PATJ: variants seen among roughly 807,000 people sequenced by gnomAD.
The protein encoded by PATJ is inaD-like protein.
A neutral mutation model predicts 224.9 loss-of-function variants in PATJ; 190 were observed. The ratio of observed to expected loss-of-function variants is 0.84; its 90% CI spans 0.75 to 0.95. The LOEUF is 0.95. Ranked by LOEUF, PATJ falls within the 40% of genes least tolerant of loss-of-function variation. The probability of loss-of-function intolerance (pLI) is 0.00; values close to 1 mark genes in which losing one functional copy is unlikely to be tolerated. For missense variants in PATJ, 2,121 were observed against 2,270.3 expected (o/e 0.93, Z 1.34); for synonymous variants, 769 against 820.3 (o/e 0.94, Z 1.07).
chr1:61,753,451 T>C (rs1396488661), intron 1 of PATJ, among the ~76,000 whole-genome samples: 1 of 152,100 alleles, frequency 6.6e-6, no homozygotes, highest in Non-Finnish European at 1.5e-5. Flanking sequence ...TCTTGTGAAG[T>C]ACTGGGAGCT....
chr1:62,113,936 G>C, intron 34 of PATJ, 117 bp from the exon 35 acceptor site: 2 of 1,011,060 alleles, frequency 2.0e-6, no homozygotes, highest in Non-Finnish European at 2.9e-6. Context: ...TGTTTGCCTT[G>C]AGATTGGCTG....
Position 61,856,048 on chromosome 1 carries a change from A to G in PATJ, c.2131A>G (p.Arg711Gly). 6.2e-7 allele frequency: 1 copy of G among 1,614,062 alleles called. No individual in the cohort carries two copies. The highest frequency in any genetic ancestry group is 2.2e-5 in the East Asian group (1 of 44,874). The change falls in exon 18 of 44, where the codon AGA becomes GGA. Residue 711 changes from arginine to glycine, a missense_variant. Transcript: ENST00000642238. ...LDYQDPLDPT[R>G]SVIVIRSLVA... The stretch of plus-strand genomic sequence containing the variant: ...TTCACAGGACCCTTTAGATCCTACA[A>G]GATCAGTGATTGTGATCCGCTCCCT...
At position 62,096,388 on chromosome 1, in the gene PATJ, C is replaced by T. The variant is rs1013555664; in HGVS notation, c.4377+11740C>T. Among the ~76,000 whole-genome samples the T allele has an allele frequency of 3.3e-5, 5 of 151,992 alleles. 1 individual carries two copies. Among genetic ancestry groups the T allele is most frequent in the Admixed American group, 3.3e-4 (5 of 15,254 alleles). On this transcript the variant is annotated intron_variant, in intron 33 of 43. Coordinates refer to ENST00000642238, the MANE Select transcript of PATJ (RefSeq NM_001350145.3). ...CATGATCAGTGAGGATTGTACTTGA[C>T]CAAGAAAAATCAAAATGTCTGGGAA... is the stretch of plus-strand genomic sequence containing the variant.
At chr1:61,840,400 C>G (rs1004180650) in intron 17 of PATJ, among the ~76,000 whole-genome samples, 1 of 151,808 alleles carries the variant, frequency 6.6e-6, no homozygotes, top group Admixed American at 6.6e-5. Flanking sequence ...GACCATAATC[C>G]CTTACTTCTT....
chr1:61,904,528 A>G lies in PATJ; in HGVS notation c.3381+3069A>G, dbSNP rs182833165. 1.4e-4 allele frequency among the ~76,000 whole-genome samples: 21 copies of G among 152,360 alleles called. 1 individual carries two copies. The highest frequency in any genetic ancestry group is 1.4e-3 in the Admixed American group (21 of 15,308). ...TGTAAAACCTTGCATATGCACCACC[A>G]CAATTGAGAAACTCAGCTGTGTCAT... On this transcript the variant is annotated intron_variant, in intron 24 of 43. Coordinates refer to ENST00000642238, the MANE Select transcript of PATJ (RefSeq NM_001350145.3).
intron 14 of PATJ, among the ~76,000 whole-genome samples, chr1:61,822,666 G>A (rs1657525110): frequency 6.6e-6 from 1 of 152,266 alleles, no homozygotes; most frequent in Middle Eastern, 3.4e-3. Flanking sequence ...TGGGGACTAC[G>A]GAAGTGTGGA....
intron 31 of PATJ, chr1:62,073,168 G>GA (rs1297777780): frequency 4.1e-6 from 4 of 985,286 alleles, no homozygotes; most frequent in Middle Eastern, 1.0e-3. Context: ...AAAAGAAAAG[G>GA]AGGTGATTGC....
chr1:62,048,914 A>G (rs1218119460), intron 30 of PATJ, among the ~76,000 whole-genome samples: 2 of 152,052 alleles, frequency 1.3e-5, no homozygotes, highest in Non-Finnish European at 2.9e-5. Context: ...AACATTCCAA[A>G]ATCTGAAAAA....
At chr1:62,130,220 G>C (rs974650184) in intron 41 of PATJ, among the ~76,000 whole-genome samples, 1 of 152,208 alleles carries the variant, frequency 6.6e-6, no homozygotes, top group African/African-American at 2.4e-5. Context: ...TGTAGTCTTA[G>C]CTACTCAAGA....
At chr1:61,814,433 G>A (rs11207844) in intron 14 of PATJ, among the ~76,000 whole-genome samples, 56,635 of 151,712 alleles carry the variant, frequency 0.37, 12,204 homozygotes, top group Middle Eastern at 0.54. Context: ...GTGAGCCACC[G>A]TGCCCGGCCG....
chr1:61,880,840 TC>T (rs1272917312), intron 21 of PATJ, among the ~76,000 whole-genome samples: 1 of 152,220 alleles, frequency 6.6e-6, no homozygotes, highest in Admixed American at 6.5e-5. Context: ...ATGCCTGTAA[TC>T]CCAACACTTT....
intron 34 of PATJ, among the ~76,000 whole-genome samples, chr1:62,109,492 A>G (rs909994627): frequency 6.6e-6 from 1 of 152,186 alleles, no homozygotes; most frequent in Non-Finnish European, 1.5e-5. Context: ...GTGTTTCATC[A>G]TTGGATTAAG....
intron 17 of PATJ, among the ~76,000 whole-genome samples, chr1:61,854,576 G>T (rs1663347005): frequency 6.6e-6 from 1 of 152,164 alleles, no homozygotes; most frequent in Non-Finnish European, 1.5e-5. Flanking sequence ...CAAGAGTAAG[G>T]ACTTAAGAGC....
In PATJ at chr1:62,108,472, G is replaced by A. The variant is rs1663387140; in HGVS notation, c.4413G>A (p.Gly1471=). ...TTATCCATGAAGTCTATGAAGAAGGGGCAGCAGCCAGAGATGGAAGACTTT... is the reference window on the plus strand; with the variant it reads ...TTATCCATGAAGTCTATGAAGAAGGAGCAGCAGCCAGAGATGGAAGACTTT... ...AIVIHEVYEE[G]AAARDGRLWA... The change falls in exon 34 of 44, where the codon GGG becomes GGA. Residue 1471 remains glycine, a synonymous_variant. Transcript: ENST00000642238. 1.2e-6 allele frequency: 2 copies of A among 1,610,132 alleles called. No homozygotes were observed. The highest frequency in any genetic ancestry group is 1.7e-6 in the Non-Finnish European group (2 of 1,177,224).
chr1:62,099,576 T>C (rs570182304), intron 33 of PATJ, among the ~76,000 whole-genome samples: 3 of 152,088 alleles, frequency 2.0e-5, no homozygotes, highest in Non-Finnish European at 2.9e-5. Flanking sequence ...TTTATGAGTA[T>C]GGCAAAGATT....
At chr1:62,140,051 T>G (rs1570775314) in intron 41 of PATJ, among the ~76,000 whole-genome samples, 1 of 152,140 alleles carries the variant, frequency 6.6e-6, no homozygotes, top group Non-Finnish European at 1.5e-5. Context: ...TGAGCCACCT[T>G]GCCCAGCCTA....
At chr1:61,892,244 A>T (rs1026884833) in intron 22 of PATJ, among the ~76,000 whole-genome samples, 2 of 152,184 alleles carry the variant, frequency 1.3e-5, no homozygotes, top group African/African-American at 4.8e-5. Flanking sequence ...AGGAAAAAAA[A>T]TTGTGAGATT....
intron 28 of PATJ, among the ~76,000 whole-genome samples, chr1:62,004,319 C>T (rs1645966245): frequency 6.6e-6 from 1 of 152,080 alleles, no homozygotes; most frequent in South Asian, 2.1e-4. Flanking sequence ...ATTCCTGTAT[C>T]CTCATCACTT....
At position 62,109,210 on chromosome 1, in the gene PATJ, G is replaced by A. The variant is rs114630573; in HGVS notation, c.4461+690G>A. On this transcript the variant is annotated intron_variant, in intron 34 of 43. Coordinates refer to ENST00000642238, the MANE Select transcript of PATJ (RefSeq NM_001350145.3). ...CGATGGTGTGAAACCTTTAGGCCACGTTTTTTTTTTTTTCATTGAATGAAC... is the reference window on the plus strand; with the variant it reads ...CGATGGTGTGAAACCTTTAGGCCACATTTTTTTTTTTTTCATTGAATGAAC... Among the ~76,000 whole-genome samples the A allele has an allele frequency of 2.1e-3, 294 of 142,746 alleles. 2 individuals carry two copies. Among genetic ancestry groups the A allele is most frequent in the African/African-American group, 7.3e-3 (287 of 39,358 alleles). The allele number at this position is 142,746 out of a possible 152,430, so 93.6% of individuals were successfully genotyped here. A position where few individuals can be genotyped will look rare whatever the true frequency, so the allele number is the denominator to read the frequency against.
Sources: gnomAD v4.1 joint callset for allele counts (sites outside exome capture counted in the v4.1 genomes callset) on GRCh38, gnomAD v4.1.1 for gene constraint, MANE v1.5 for transcripts, NCBI Gene and HGNC (gene_info 2026-07-23, HGNC 2026-07-21) for gene names.